EPHA6: variants seen among roughly 807,000 people sequenced by gnomAD.
EPHA6 encodes the protein ephrin type-A receptor 6.
EPHA6 carries 50 observed loss-of-function variants against 112.0 expected under a neutral mutation model. That is an observed-to-expected ratio of 0.45 (90% confidence interval 0.36 to 0.56). EPHA6 has a LOEUF of 0.56. Ranked by LOEUF, EPHA6 falls within the 20% of genes least tolerant of loss-of-function variation. The pLI is 0.00. For synonymous variants in EPHA6, 529 were observed against 490.7 expected, an observed-to-expected ratio of 1.08 and a Z score of -1.03; for missense variants, 1,280 against 1,417.4, an observed-to-expected ratio of 0.90 and a Z score of 1.56.
chr3:97,415,465 C>T (rs2088052616), intron 6 of EPHA6, among the ~76,000 whole-genome samples: 1 of 152,008 alleles, frequency 6.6e-6, no homozygotes, highest in South Asian at 2.1e-4. Context: ...TGAAGACAGA[C>T]TTTATAAAAT....
At chr3:97,356,731 C>T (rs535952320) in intron 5 of EPHA6, among the ~76,000 whole-genome samples, 3 of 152,052 alleles carry the variant, frequency 2.0e-5, no homozygotes, top group African/African-American at 7.2e-5. Context: ...TTGGTTTACA[C>T]TGGAAAATGT....
chr3:97,748,697 T>C lies in EPHA6; in HGVS notation c.3389T>C (p.Val1130Ala), dbSNP rs376514055. The change falls in exon 18 of 18, where the codon GTA becomes GCA. Residue 1130 changes from valine to alanine, a missense_variant. Physicochemically the swap from Val to Ala is moderately conservative, Grantham distance 64. This residue lies in a region of EPHA6 where 145 missense variants were observed against 153.3 expected (regional missense o/e 0.95). Transcript: ENST00000389672. ...MMHIQEKGFH[V>A] ...CACATACAGGAGAAGGGATTTCATGTATGAAAGTACCACAAGCACCTGTGT... is the reference window on the plus strand; with the variant it reads ...CACATACAGGAGAAGGGATTTCATGCATGAAAGTACCACAAGCACCTGTGT... The C allele has an allele frequency of 1.9e-6, 3 of 1,546,246 alleles. No individual in the cohort carries two copies. The highest frequency in any genetic ancestry group is 2.7e-6 in the Non-Finnish European group (3 of 1,118,856).
At chr3:97,551,181 G>T (rs373438361) in intron 11 of EPHA6, among the ~76,000 whole-genome samples, 3 of 152,054 alleles carry the variant, frequency 2.0e-5, no homozygotes, top group African/African-American at 7.2e-5. Context: ...TTGAAAGTAA[G>T]ACCACAGCAA....
At chr3:96,883,377 T>A (rs1041830494) in intron 2 of EPHA6, among the ~76,000 whole-genome samples, 1 of 152,180 alleles carries the variant, frequency 6.6e-6, no homozygotes, top group African/African-American at 2.4e-5. Context: ...TTGTTTACTC[T>A]GCTGACTGTT....
intron 6 of EPHA6, among the ~76,000 whole-genome samples, chr3:97,416,606 G>C (rs1367922440): frequency 6.6e-6 from 1 of 152,012 alleles, no homozygotes; most frequent in African/African-American, 2.4e-5. Flanking sequence ...CTGAAACAGT[G>C]AGCAGAGGAA....
chr3:97,418,131 A>G (rs1229471715), intron 6 of EPHA6, among the ~76,000 whole-genome samples: 1 of 151,636 alleles, frequency 6.6e-6, no homozygotes, highest in Non-Finnish European at 1.5e-5. Flanking sequence ...AATTAAACTT[A>G]TAAAATTAAA....
chr3:97,243,392 T>G (rs1439342103), intron 4 of EPHA6, among the ~76,000 whole-genome samples: 2 of 151,892 alleles, frequency 1.3e-5, no homozygotes, highest in Non-Finnish European at 2.9e-5. Context: ...TTCATTTCGT[T>G]TTTCCTTTTT....
At position 97,620,351 on chromosome 3, in the gene EPHA6, G is replaced by A. The variant is rs182278684; in HGVS notation, c.2574+9497G>A. 4.5e-4 allele frequency among the ~76,000 whole-genome samples: 68 copies of A among 152,124 alleles called. 2 individuals carry two copies. Among genetic ancestry groups the A allele is most frequent in the Middle Eastern group, 3.4e-3 (1 of 294 alleles). On this transcript the variant is annotated intron_variant, in intron 13 of 17. Transcript: ENST00000389672. The stretch of plus-strand genomic sequence containing the variant: ...CCTAGGTAATACCATTCAGGAGATA[G>A]GCACGGCCAAAAATTTTATGATGAA...
At chr3:97,689,435 A>G (rs913266460) in intron 14 of EPHA6, among the ~76,000 whole-genome samples, 1 of 152,180 alleles carries the variant, frequency 6.6e-6, no homozygotes, top group African/African-American at 2.4e-5. Context: ...AATTAATTTT[A>G]TTTAGAAGGG....
At chr3:96,996,589 C>T (rs1055900155) in intron 3 of EPHA6, among the ~76,000 whole-genome samples, 6 of 152,048 alleles carry the variant, frequency 3.9e-5, no homozygotes, top group African/African-American at 1.4e-4. Context: ...TCCATCAGAG[C>T]TTTTAGGTGA....
Position 97,681,387 on chromosome 3 carries a change from A to C in EPHA6, c.2785-38874A>C, listed in dbSNP as rs115815174. Among the ~76,000 whole-genome samples the C allele has an allele frequency of 5.4e-3, 816 of 152,226 alleles. 7 individuals carry two copies. The highest frequency in any genetic ancestry group is 0.018 in the African/African-American group (763 of 41,570). On this transcript the variant is annotated intron_variant, in intron 14 of 17. Transcript: ENST00000389672. ...TCTTCTACAGAAATACTTTCACATGAGAATAAAGACTTATGTACCAGATAT... is the reference window on the plus strand; with the variant it reads ...TCTTCTACAGAAATACTTTCACATGCGAATAAAGACTTATGTACCAGATAT...
At chr3:97,712,535 A>G (rs1576335519) in intron 14 of EPHA6, among the ~76,000 whole-genome samples, 1 of 152,214 alleles carries the variant, frequency 6.6e-6, no homozygotes, top group Admixed American at 6.5e-5. Flanking sequence ...AATAAAGTAC[A>G]TATTTATTCT....
At chr3:97,479,433 G>T in intron 9 of EPHA6, 69 bp downstream of exon 9, 3 of 1,044,418 alleles carry the variant, frequency 2.9e-6, no homozygotes, top group South Asian at 1.8e-5. Flanking sequence ...CATTCAAACT[G>T]TATCTATTGA....
At chr3:96,817,877 A>G (rs2032925780) in intron 1 of EPHA6, among the ~76,000 whole-genome samples, 3 of 151,894 alleles carry the variant, frequency 2.0e-5, no homozygotes, top group African/African-American at 7.2e-5. Flanking sequence ...TATAGAAAGG[A>G]TCTCTTCTCT....
intron 3 of EPHA6, among the ~76,000 whole-genome samples, chr3:97,097,269 G>A (rs1489844678): frequency 1.3e-5 from 2 of 151,484 alleles, no homozygotes; most frequent in Non-Finnish European, 3.0e-5. Context: ...TTTAAGAAAT[G>A]ACATGAAGAA....
intron 3 of EPHA6, among the ~76,000 whole-genome samples, chr3:97,138,452 C>T (rs768725526): frequency 5.2e-4 from 79 of 152,192 alleles, no homozygotes; most frequent in Non-Finnish European, 5.4e-4. Flanking sequence ...ACCACATAAC[C>T]CATGCCTGCC....
At chr3:97,207,933 A>G (rs1211598848) in intron 3 of EPHA6, among the ~76,000 whole-genome samples, 1 of 152,188 alleles carries the variant, frequency 6.6e-6, no homozygotes, top group African/African-American at 2.4e-5. Context: ...GGCTCAGGCC[A>G]ACAGCATTAA....
chr3:97,455,489 A>C (rs1223386107), intron 7 of EPHA6, among the ~76,000 whole-genome samples: 1 of 152,036 alleles, frequency 6.6e-6, no homozygotes, highest in African/African-American at 2.4e-5. Context: ...CTACCCATTC[A>C]GTACTTTCAC....
intron 7 of EPHA6, among the ~76,000 whole-genome samples, chr3:97,454,201 C>A (rs745559747): frequency 7.8e-4 from 118 of 151,772 alleles, no homozygotes; most frequent in Non-Finnish European, 1.4e-3. Flanking sequence ...AGTGAGAAAT[C>A]ATCACTTCTT....
Sources: gnomAD v4.1 joint callset for allele counts (sites outside exome capture counted in the v4.1 genomes callset) on GRCh38, gnomAD v4.1.1 for gene constraint, gnomAD v4.1.1 regional missense constraint, MANE v1.5 for transcripts, NCBI Gene and HGNC (gene_info 2026-07-23, HGNC 2026-07-21) for gene names.